MYO1B: variants seen among roughly 807,000 people sequenced by gnomAD.
MYO1B encodes the protein unconventional myosin-Ib.
In MYO1B, 72 loss-of-function variants were observed where a neutral mutation model predicts 159.7. The observed-to-expected ratio is 0.45, with a 90% confidence interval of 0.37 to 0.55. The LOEUF (loss-of-function observed/expected upper bound fraction) is 0.55. Ranked by LOEUF, MYO1B falls within the 20% of genes least tolerant of loss-of-function variation. The probability of loss-of-function intolerance (pLI) is 0.00; values close to 1 mark genes in which losing one functional copy is unlikely to be tolerated. For missense variants in MYO1B, 1,062 were observed against 1,364.8 expected (o/e 0.78, Z 3.50); for synonymous variants, 468 against 473.8 (o/e 0.99, Z 0.16).
chr2:191,248,061 T>C (rs918690122), intron 1 of MYO1B: 20 of 978,722 alleles, frequency 2.0e-5, no homozygotes, highest in Non-Finnish European at 2.3e-5. Context: ...AGCATCCATG[T>C]TTTTAGCATT....
chr2:191,254,224 T>G (rs137915211), intron 1 of MYO1B, among the ~76,000 whole-genome samples: 1 of 152,156 alleles, frequency 6.6e-6, no homozygotes, highest in Admixed American at 6.5e-5. Context: ...TATTTATTTA[T>G]TTTTTGAGAC....
chr2:191,345,027 A>G (rs559736123), intron 5 of MYO1B, among the ~76,000 whole-genome samples: 1 of 152,230 alleles, frequency 6.6e-6, no homozygotes, highest in African/African-American at 2.4e-5. Flanking sequence ...AACACTCAGT[A>G]GTCTAATCTG....
chr2:191,285,428 A>G (rs1489461449), intron 2 of MYO1B, among the ~76,000 whole-genome samples: 2 of 152,148 alleles, frequency 1.3e-5, no homozygotes, highest in Non-Finnish European at 2.9e-5. Flanking sequence ...TGTGCCTGAC[A>G]AACTTGCGGC....
At chr2:191,410,997 A>G in intron 26 of MYO1B, 69 bp from the exon 27 acceptor site, 4 of 875,550 alleles carry the variant, frequency 4.6e-6, no homozygotes, top group Non-Finnish European at 7.0e-6. Context: ...TTGTCTTAGC[A>G]TATTTAAGAA....
At chr2:191,286,863 C>T (rs756809257) in intron 2 of MYO1B, among the ~76,000 whole-genome samples, 3 of 152,000 alleles carry the variant, frequency 2.0e-5, no homozygotes, top group African/African-American at 4.8e-5. Context: ...AACCTGGGAT[C>T]GGGGCTGCAG....
chr2:191,410,734 AGTCTCTCTAGAAGAGT>A (rs1355474601), intron 26 of MYO1B, among the ~76,000 whole-genome samples: 3 of 152,170 alleles, frequency 2.0e-5, no homozygotes, highest in Non-Finnish European at 4.4e-5. Context: ...TTTTACTGTG[AGTCTCTCTAGAAGAGT>A]GACAGCCTCA....
rs1052491178 is a variant in MYO1B, at chr2:191,416,072, A to G, written c.3160-43A>G. The G allele has an allele frequency of 1.9e-6, 3 of 1,593,322 alleles. No individual in the cohort carries two copies. In the African/African-American group the frequency reaches 4.1e-5, roughly 22 times the overall value. On this transcript the variant is annotated intron_variant, in intron 29 of 30. Transcript: ENST00000392318. ...CCAAGCCTGTAAATATTGACCTTCT[A>G]AGGTATCTTTAATTATGACCGACTC...
rs972684208 is a variant in MYO1B, at chr2:191,245,605, C to CGGCGAGGTAGCGCCA, written c.-17_-10+7dup. 2.6e-5 allele frequency: 4 copies of CGGCGAGGTAGCGCCA among 152,228 alleles called. No homozygotes were observed. In the East Asian group the frequency reaches 5.8e-4, roughly 22 times the overall value. 9.4% of individuals were successfully genotyped at this position (152,228 alleles called of 1,614,324 possible). A position where few individuals can be genotyped will look rare whatever the true frequency, so the allele number is the denominator to read the frequency against. On this transcript the variant is annotated 5_prime_UTR_variant, in exon 1 of 31. Coordinates refer to ENST00000392318, the MANE Select transcript of MYO1B (RefSeq NM_001130158.3). ...GACGACGTGGAGGCGGAGTGGCGCC[C>CGGCGAGGTAGCGCCA]GGCGAGGTAGCGCCAGGCGAGGTAG...
intron 29 of MYO1B, 114 bp from the exon 30 acceptor site, chr2:191,416,001 G>A: frequency 2.5e-6 from 3 of 1,180,424 alleles, no homozygotes; most frequent in South Asian, 3.0e-5. Context: ...TGGGAGAATG[G>A]ATTCCAGGAT....
intron 3 of MYO1B, among the ~76,000 whole-genome samples, chr2:191,310,145 G>A (rs1689907538): frequency 6.6e-6 from 1 of 152,212 alleles, no homozygotes; most frequent in Admixed American, 6.5e-5. Context: ...CAAGTTGGAA[G>A]TGCAGAAAAA....
In MYO1B at chr2:191,383,448, T is replaced by TATATATATATATATATA. The variant is rs1553559096; in HGVS notation, c.1353+106_1353+107insATATATATATATATATA. ...TAAGCATTAGTATTTTCACTGTTTT[T>TATATATATATATATATA]TATATATATATATATATATATATAT... On this transcript the variant is annotated intron_variant, in intron 15 of 30. Coordinates refer to ENST00000392318, the MANE Select transcript of MYO1B (RefSeq NM_001130158.3). 8 of 127,344 alleles carry TATATATATATATATATA rather than the reference T, an allele frequency of 6.3e-5. 1 individual carries two copies. The highest frequency in any genetic ancestry group is 3.2e-4 in the African/African-American group (8 of 24,802). The allele number at this position is 127,344 out of a possible 1,614,324, so 7.9% of individuals were successfully genotyped here. A position where few individuals can be genotyped will look rare whatever the true frequency, so the allele number is the denominator to read the frequency against.
chr2:191,395,283 G>A (rs528670942), intron 20 of MYO1B, among the ~76,000 whole-genome samples: 4 of 152,112 alleles, frequency 2.6e-5, no homozygotes, highest in Non-Finnish European at 5.9e-5. Flanking sequence ...TTAACAGCTG[G>A]GGAAACTGAG....
At chr2:191,313,134 G>T (rs1230831543) in intron 3 of MYO1B, among the ~76,000 whole-genome samples, 3 of 142,198 alleles carry the variant, frequency 2.1e-5, no homozygotes. Context: ...TCCTAAAAAT[G>T]GTTACTCAGA....
chr2:191,255,114 A>C (rs1428754681), intron 1 of MYO1B, among the ~76,000 whole-genome samples: 1 of 151,666 alleles, frequency 6.6e-6, no homozygotes, highest in Non-Finnish European at 1.5e-5. Flanking sequence ...TTTTTTGTGG[A>C]GACGGGGTCT....
At chr2:191,414,209 A>C (rs780678225) in intron 28 of MYO1B, 29 bp downstream of exon 28, 1 of 1,595,300 alleles carries the variant, frequency 6.3e-7, no homozygotes, top group Non-Finnish European at 8.5e-7. Context: ...AAGACTGATA[A>C]GAAGTACCTA....
chr2:191,393,575 T>A (rs2126108706), intron 20 of MYO1B, among the ~76,000 whole-genome samples: 1 of 152,314 alleles, frequency 6.6e-6, no homozygotes, highest in South Asian at 2.1e-4. Context: ...TCCTTTAAGC[T>A]TTTGATTTGG....
chr2:191,330,399 C>G (rs1691392550), intron 4 of MYO1B, among the ~76,000 whole-genome samples: 1 of 152,204 alleles, frequency 6.6e-6, no homozygotes. Flanking sequence ...CAAACACACT[C>G]TACCTTTGCT....
At chr2:191,416,542 C>T (rs1361736535) in intron 30 of MYO1B, 1 of 268,996 alleles carries the variant, frequency 3.7e-6, no homozygotes, top group Non-Finnish European at 7.1e-6. Context: ...AGGCCAGGCG[C>T]AGTGGCTCAC....
chr2:191,416,510 A>C, intron 30 of MYO1B: 1 of 405,654 alleles, frequency 2.5e-6, no homozygotes, highest in Non-Finnish European at 4.5e-6. Context: ...TGGAGGAAAA[A>C]AAGGGTTAAG....
Sources: allele counts gnomAD v4.1 joint callset (sites outside exome capture counted in the v4.1 genomes callset), GRCh38; gene constraint gnomAD v4.1.1; transcripts MANE v1.5; gene names NCBI Gene and HGNC (gene_info 2026-07-23, HGNC 2026-07-21).